The following CACNA2D3 variants were observed in gnomAD, a reference collection of about 807,000 sequenced individuals.
CACNA2D3 encodes calcium voltage-gated channel auxiliary subunit alpha2delta 3.
CACNA2D3 carries 60 observed loss-of-function variants against 160.6 expected under a neutral mutation model. The observed-to-expected ratio is 0.37, with a 90% CI of 0.30 to 0.46. CACNA2D3 has a LOEUF of 0.46. Among genes scored for constraint, CACNA2D3 ranks in the 20% least tolerant of loss-of-function variants. The probability of loss-of-function intolerance (pLI) is 1.00; values close to 1 mark genes in which losing one functional copy is unlikely to be tolerated. For synonymous variants in CACNA2D3, 558 were observed against 492.9 expected, an observed-to-expected ratio of 1.13 and a Z score of -1.75; for missense variants, 1,205 against 1,365.0, an observed-to-expected ratio of 0.88 and a Z score of 1.85.
chr3:54,236,511 G>A (rs1259332180), intron 2 of CACNA2D3, among the ~76,000 whole-genome samples: 1 of 152,084 alleles, frequency 6.6e-6, no homozygotes, highest in African/African-American at 2.4e-5. Context: ...TGGAATTATT[G>A]TCACTTTTGA....
chr3:54,283,065 CAAAG>C (rs368777396), intron 2 of CACNA2D3, among the ~76,000 whole-genome samples: 4 of 152,192 alleles, frequency 2.6e-5, no homozygotes, highest in Non-Finnish European at 5.9e-5. Flanking sequence ...ACTTTAAAAA[CAAAG>C]AAGGAGAGAT....
At chr3:55,060,384 G>A (rs1704477606) in intron 35 of CACNA2D3, among the ~76,000 whole-genome samples, 1 of 152,132 alleles carries the variant, frequency 6.6e-6, no homozygotes, top group African/African-American at 2.4e-5. Context: ...CGATGATGGT[G>A]GTGATTAGTT....
intron 2 of CACNA2D3, among the ~76,000 whole-genome samples, chr3:54,162,872 A>G (rs1700373559): frequency 6.6e-6 from 1 of 152,196 alleles, no homozygotes; most frequent in Non-Finnish European, 1.5e-5. Context: ...AAATTAATAT[A>G]TAATGTAATT....
intron 2 of CACNA2D3, among the ~76,000 whole-genome samples, chr3:54,261,118 A>G (rs544351267): frequency 3.1e-4 from 47 of 152,230 alleles, no homozygotes; most frequent in Admixed American, 3.3e-4. Flanking sequence ...ATGTCTAGAT[A>G]GCCTACTCAT....
At chr3:54,254,105 T>C (rs1702249354) in intron 2 of CACNA2D3, among the ~76,000 whole-genome samples, 2 of 152,154 alleles carry the variant, frequency 1.3e-5, no homozygotes, top group South Asian at 4.1e-4. Context: ...GGTTTAGGTG[T>C]TGGATGGGCT....
chr3:54,596,260 T>C (rs959026001), intron 9 of CACNA2D3, among the ~76,000 whole-genome samples: 1 of 152,108 alleles, frequency 6.6e-6, no homozygotes, highest in African/African-American at 2.4e-5. Context: ...GTCATCATTG[T>C]CTTCTCCCAG....
At chr3:54,709,129 C>A (rs2106960251) in intron 11 of CACNA2D3, among the ~76,000 whole-genome samples, 1 of 151,908 alleles carries the variant, frequency 6.6e-6, no homozygotes, top group Non-Finnish European at 1.5e-5. Flanking sequence ...CCCGCCTCAG[C>A]CTCCCAACTG....
At chr3:54,540,711 T>G in intron 5 of CACNA2D3, among the ~76,000 whole-genome samples, 1 of 149,034 alleles carries the variant, frequency 6.7e-6, no homozygotes, top group East Asian at 2.4e-4. Flanking sequence ...TTATGTCTCT[T>G]TTTTTTAAAG....
chr3:54,655,629 G>A (rs886985598), intron 11 of CACNA2D3, among the ~76,000 whole-genome samples: 10 of 152,156 alleles, frequency 6.6e-5, no homozygotes, highest in East Asian at 1.9e-4. Context: ...CCTATTTCAC[G>A]AATAAATATA....
At chr3:54,475,379 A>G (rs955199497) in intron 4 of CACNA2D3, among the ~76,000 whole-genome samples, 4 of 152,228 alleles carry the variant, frequency 2.6e-5, no homozygotes, top group African/African-American at 9.6e-5. Context: ...AGCAAATGGC[A>G]TGGAAAGTCT....
chr3:54,810,355 C>T (rs1212167116), intron 13 of CACNA2D3, among the ~76,000 whole-genome samples: 2 of 152,180 alleles, frequency 1.3e-5, no homozygotes, highest in African/African-American at 2.4e-5. Flanking sequence ...AGACAACCTG[C>T]ACTGCCAAAT....
chr3:54,669,621 C>A (rs1700123398), intron 11 of CACNA2D3, among the ~76,000 whole-genome samples: 1 of 151,886 alleles, frequency 6.6e-6, no homozygotes, highest in Non-Finnish European at 1.5e-5. Context: ...GTTTAGAGAT[C>A]AAAAATGTTA....
chr3:54,752,798 T>G (rs759208183), intron 12 of CACNA2D3, 121 bp downstream of exon 12: 264 of 654,642 alleles, frequency 4.0e-4, no homozygotes, highest in Non-Finnish European at 6.3e-4. Flanking sequence ...TATATCTAAG[T>G]GATTACTGAT....
At chr3:54,389,304 A>C (rs937996641) in intron 4 of CACNA2D3, among the ~76,000 whole-genome samples, 9 of 152,126 alleles carry the variant, frequency 5.9e-5, no homozygotes, top group Non-Finnish European at 1.2e-4. Flanking sequence ...CTTAAAAAAA[A>C]AAAAAGACAA....
intron 2 of CACNA2D3, among the ~76,000 whole-genome samples, chr3:54,140,723 G>A (rs1366526183): frequency 6.6e-6 from 1 of 152,184 alleles, no homozygotes; most frequent in African/African-American, 2.4e-5. Flanking sequence ...GATGTCAGTG[G>A]TAATGCCTCA....
chr3:55,030,714 T>C (rs1285064464), intron 35 of CACNA2D3, among the ~76,000 whole-genome samples: 2 of 152,156 alleles, frequency 1.3e-5, no homozygotes, highest in Non-Finnish European at 2.9e-5. Context: ...TCCCTGATTC[T>C]TTTCCTCAGA....
intron 2 of CACNA2D3, among the ~76,000 whole-genome samples, chr3:54,163,655 G>A (rs971238131): frequency 6.6e-6 from 1 of 152,218 alleles, no homozygotes; most frequent in Non-Finnish European, 1.5e-5. Flanking sequence ...CTAACTGCGA[G>A]CCATTGGAGG....
chr3:54,281,290 A>T (rs1702873392), intron 2 of CACNA2D3, among the ~76,000 whole-genome samples: 2 of 152,238 alleles, frequency 1.3e-5, no homozygotes, highest in South Asian at 4.1e-4. Flanking sequence ...ACAGGAAGGC[A>T]TCACTATATT....
chr3:54,780,545 G>A (rs889547433), intron 13 of CACNA2D3, among the ~76,000 whole-genome samples: 1 of 152,210 alleles, frequency 6.6e-6, no homozygotes, highest in African/African-American at 2.4e-5. Context: ...GTGAACTCCA[G>A]AGAAATTTGA....
Sources: gnomAD v4.1 joint callset for allele counts (sites outside exome capture counted in the v4.1 genomes callset) on GRCh38, gnomAD v4.1.1 for gene constraint, MANE v1.5 for transcripts, NCBI Gene and HGNC (gene_info 2026-07-23, HGNC 2026-07-21) for gene names.